Variants in DST observed in about 807,000 individuals in gnomAD.
DST encodes the protein bullous pemphigoid antigen.
In DST, 253 loss-of-function variants were observed where a neutral mutation model predicts 875.2. The ratio of observed to expected loss-of-function variants is 0.29; its 90% CI spans 0.26 to 0.32. The LOEUF is 0.32. DST is among the 10% of genes least tolerant of loss of function. DST has a pLI of 1.00. For missense variants in DST, 8,287 were observed against 9,111.6 expected, an observed-to-expected ratio of 0.91 and a Z score of 3.68; for synonymous variants, 3,124 against 3,197.1, an observed-to-expected ratio of 0.98 and a Z score of 0.77.
At chr6:56,827,914 G>A (rs962731707) in intron 4 of DST, among the ~76,000 whole-genome samples, 1 of 151,952 alleles carries the variant, frequency 6.6e-6, no homozygotes, top group African/African-American at 2.4e-5. Flanking sequence ...CTTTTTCACT[G>A]TACTTTTCCT....
chr6:56,799,291 G>C (rs1183453041), intron 4 of DST, among the ~76,000 whole-genome samples: 1 of 152,024 alleles, frequency 6.6e-6, no homozygotes, highest in Non-Finnish European at 1.5e-5. Context: ...GGAGTTCTGG[G>C]TGGTAGTGAA....
intron 22 of DST, among the ~76,000 whole-genome samples, chr6:56,637,143 T>G (rs935528312): frequency 7.9e-5 from 12 of 152,028 alleles, no homozygotes; most frequent in African/African-American, 2.9e-4. Flanking sequence ...CAGTAAAATT[T>G]TCCTCTTATC....
intron 80 of DST, among the ~76,000 whole-genome samples, chr6:56,498,767 A>AG (rs2096010412): frequency 6.6e-6 from 1 of 152,148 alleles, no homozygotes; most frequent in Non-Finnish European, 1.5e-5. Flanking sequence ...CTCTCATACG[A>AG]GGGGTCCTGG....
chr6:56,780,959 C>G (rs1321954682), intron 4 of DST, among the ~76,000 whole-genome samples: 1 of 152,156 alleles, frequency 6.6e-6, no homozygotes, highest in Non-Finnish European at 1.5e-5. Flanking sequence ...GCCAGTTTTC[C>G]CAGCACCATT....
chr6:56,785,894 T>C (rs895908764), intron 4 of DST: 1 of 152,746 alleles, frequency 6.5e-6, no homozygotes, highest in Admixed American at 6.5e-5. Flanking sequence ...ATCTTGTTTG[T>C]AACTGTTTCC....
At chr6:56,663,864 A>G (rs895758142) in intron 10 of DST, among the ~76,000 whole-genome samples, 1 of 152,170 alleles carries the variant, frequency 6.6e-6, no homozygotes, top group African/African-American at 2.4e-5. Context: ...CCTGCATACA[A>G]CCTATTCCCA....
intron 9 of DST, among the ~76,000 whole-genome samples, chr6:56,691,287 C>T (rs2099226952): frequency 6.6e-6 from 1 of 152,174 alleles, no homozygotes; most frequent in African/African-American, 2.4e-5. Context: ...ATGACACAGA[C>T]TGAATGCTTT....
rs1294917683 is a variant in DST, at chr6:56,568,490, C to T, written c.13984G>A (p.Ala4662Thr). Residue 4662 changes from alanine to threonine, a missense_variant, in exon 55 of 104, where the codon GCA becomes ACA. Ala to Thr is a moderately conservative substitution (Grantham distance 58, BLOSUM62 0). Transcript: ENST00000680361. Reference sequence around the variant, plus strand: ...ATACCTGATTTAACTGCTGCTATTGCCTTTGCAGGGGTGGTCACAGCACTT... The same window carrying T: ...ATACCTGATTTAACTGCTGCTATTGTCTTTGCAGGGGTGGTCACAGCACTT... ...LISAVTTPAK[A>T]IAAVKSGGAV... 9.4e-6 allele frequency: 15 copies of T among 1,604,110 alleles called. No homozygotes were observed. The highest frequency in any genetic ancestry group is 2.2e-5 in the East Asian group (1 of 44,490).
intron 13 of DST, 49 bp downstream of exon 13, chr6:56,648,521 A>C: frequency 6.7e-7 from 1 of 1,496,152 alleles, no homozygotes; most frequent in Non-Finnish European, 9.0e-7. Flanking sequence ...GCATTACTTA[A>C]GGGTTTACAA....
intron 5 of DST, among the ~76,000 whole-genome samples, chr6:56,705,863 T>C (rs971053198): frequency 1.3e-5 from 2 of 152,210 alleles, no homozygotes; most frequent in Non-Finnish European, 2.9e-5. Flanking sequence ...GTCTCCATCT[T>C]TACAAATTGA....
At chr6:56,882,977 C>T (rs1782931034) in intron 3 of DST, among the ~76,000 whole-genome samples, 1 of 152,334 alleles carries the variant, frequency 6.6e-6, no homozygotes, top group Middle Eastern at 3.4e-3. Context: ...AGCTGATCCT[C>T]CTGCCTCAAC....
At chr6:56,825,297 G>T (rs1261051298) in intron 4 of DST, among the ~76,000 whole-genome samples, 100 of 147,534 alleles carry the variant, frequency 6.8e-4, no homozygotes, top group Non-Finnish European at 1.3e-3. Flanking sequence ...ATGCTTGAAG[G>T]CAGCATGCTC....
At chr6:56,799,593 A>G (rs1485020860) in intron 4 of DST, among the ~76,000 whole-genome samples, 1 of 151,292 alleles carries the variant, frequency 6.6e-6, no homozygotes, top group East Asian at 1.9e-4. Context: ...TTTTTTAGCA[A>G]TAAGGACATT....
intron 4 of DST, among the ~76,000 whole-genome samples, chr6:56,847,115 C>T (rs1591623775): frequency 6.6e-6 from 1 of 151,442 alleles, no homozygotes; most frequent in Non-Finnish European, 1.5e-5. Context: ...CCCAGGAGTT[C>T]GAGTCCAGCC....
intron 2 of DST, among the ~76,000 whole-genome samples, chr6:56,911,076 C>A (rs772016388): frequency 6.6e-6 from 1 of 152,210 alleles, no homozygotes; most frequent in African/African-American, 2.4e-5. Flanking sequence ...TAGCCTCACA[C>A]CCCTCCAGTT....
At chr6:56,726,429 A>G (rs2099458576) in intron 5 of DST, among the ~76,000 whole-genome samples, 2 of 152,220 alleles carry the variant, frequency 1.3e-5, no homozygotes, top group Non-Finnish European at 2.9e-5. Context: ...TACATCTACA[A>G]TAAGACAACA....
At chr6:56,711,727 T>A (rs558593703) in intron 5 of DST, among the ~76,000 whole-genome samples, 32 of 152,278 alleles carry the variant, frequency 2.1e-4, no homozygotes, top group Middle Eastern at 3.4e-3. Context: ...TGTAAAGGCA[T>A]CAGCATTACC....
chr6:56,676,348 G>A (rs1018487698), intron 9 of DST, among the ~76,000 whole-genome samples: 4 of 152,190 alleles, frequency 2.6e-5, no homozygotes, highest in East Asian at 1.9e-4. Flanking sequence ...GATTACAGGC[G>A]TGAGCCACTG....
chr6:56,557,993 G>C (rs777616058), intron 58 of DST, among the ~76,000 whole-genome samples: 1 of 152,106 alleles, frequency 6.6e-6, no homozygotes, highest in Non-Finnish European at 1.5e-5. Flanking sequence ...CCCGTAGGAA[G>C]TCTCACCAAT....
Sources: gnomAD v4.1 joint callset for allele counts (sites outside exome capture counted in the v4.1 genomes callset) on GRCh38, gnomAD v4.1.1 for gene constraint, MANE v1.5 for transcripts, NCBI Gene and HGNC (gene_info 2026-07-23, HGNC 2026-07-21) for gene names.